Variants in ZNF445 observed in about 807,000 individuals in gnomAD.
The protein encoded by ZNF445 is zinc finger protein 168.
ZNF445 carries 19 observed loss-of-function variants against 93.9 expected under a neutral mutation model. The observed-to-expected ratio is 0.20, with a 90% CI of 0.14 to 0.30. ZNF445 has a LOEUF of 0.30. Among genes scored for constraint, ZNF445 ranks in the 10% least tolerant of loss-of-function variants. The pLI, the probability that ZNF445 is intolerant of heterozygous loss-of-function variation, is 1.00. For synonymous variants in ZNF445, 449 were observed against 446.3 expected (o/e 1.01, Z -0.08); for missense variants, 1,058 against 1,259.4 (o/e 0.84, Z 2.42).
chr3:44,461,773 C>T (rs1408433416), intron 1 of ZNF445, among the ~76,000 whole-genome samples: 1 of 152,172 alleles, frequency 6.6e-6, no homozygotes, highest in African/African-American at 2.4e-5. Flanking sequence ...AATGTTAATT[C>T]GGTTCCCCAT....
intron 1 of ZNF445, among the ~76,000 whole-genome samples, chr3:44,473,215 T>C (rs1698295583): frequency 6.6e-6 from 1 of 152,132 alleles, no homozygotes; most frequent in Non-Finnish European, 1.5e-5. Context: ...CCCAGCACTT[T>C]GGGAGGCTGA....
intron 3 of ZNF445, among the ~76,000 whole-genome samples, chr3:44,454,232 T>C (rs1697994437): frequency 6.6e-6 from 1 of 150,476 alleles, no homozygotes. Flanking sequence ...AAAAGCTTAC[T>C]GAGAAGGAAG....
intron 1 of ZNF445, among the ~76,000 whole-genome samples, chr3:44,463,627 A>C (rs914992197): frequency 1.3e-5 from 2 of 152,268 alleles, no homozygotes; most frequent in African/African-American, 4.8e-5. Context: ...CTAAGTAGGA[A>C]ATATACTTTA....
Position 44,448,646 on chromosome 3 carries a change from G to T in ZNF445, c.1025C>A (p.Ala342Glu), listed in dbSNP as rs770857071. ...ETLAVSSGCP[A>E]TSVSEGIGLR... ...CCCAATTCCCTCAGAAACACTTGTC[G>T]CAGGACATCCTGATGACACAGCTAA... Residue 342 changes from alanine to glutamate, a missense_variant, in exon 8 of 8, where the codon GCG (alanine) becomes GAG (glutamate). Transcript: ENST00000396077. 6.2e-7 allele frequency: 1 copy of T among 1,614,138 alleles called. No homozygotes were observed. The highest frequency in any genetic ancestry group is 1.3e-5 in the African/African-American group (1 of 75,024).
chr3:44,466,938 C>A (rs1218164378), intron 1 of ZNF445, among the ~76,000 whole-genome samples: 2 of 152,138 alleles, frequency 1.3e-5, no homozygotes, highest in Non-Finnish European at 2.9e-5. Context: ...AATTCCTAGT[C>A]AATTGTAGCT....
intron 1 of ZNF445, among the ~76,000 whole-genome samples, chr3:44,460,082 G>A (rs1266693189): frequency 6.6e-6 from 1 of 152,142 alleles, no homozygotes; most frequent in Non-Finnish European, 1.5e-5. Flanking sequence ...AAAAATAGAT[G>A]CACGGTATAT....
In ZNF445 at chr3:44,451,209, G is replaced by C. The variant is rs1027358053; in HGVS notation, c.598+105C>G. 10 of 1,409,606 alleles carry C rather than the reference G, an allele frequency of 7.1e-6. No homozygotes were observed. In the African/African-American group the frequency reaches 1.1e-4, roughly 16 times the overall value. The allele number at this position is 1,409,606 out of a possible 1,614,324, so 87.3% of individuals were successfully genotyped here. On this transcript the variant is annotated intron_variant, in intron 4 of 7. Transcript: ENST00000396077. The stretch of plus-strand genomic sequence containing the variant: ...GAGAGGACAGAGAGCTAAGGGCCAG[G>C]ACAGAAGGAGATTCTCATGAGAGGA...
At position 44,444,162 on chromosome 3, in the gene ZNF445, C is replaced by T. The variant is rs1697849652; in HGVS notation, c.*2413G>A. 1 of 152,088 alleles carries T rather than the reference C, an allele frequency of 6.6e-6. No homozygotes were observed. 9.4% of individuals were successfully genotyped at this position (152,088 alleles called of 1,614,324 possible). On this transcript the variant is annotated 3_prime_UTR_variant, in exon 8 of 8. Transcript: ENST00000396077. Reference sequence around the variant, plus strand: ...AAAATAAAAAAGACAGTAAAAATATCCCTATACTGGGGCAGGAACTTTACA... The same window carrying T: ...AAAATAAAAAAGACAGTAAAAATATTCCTATACTGGGGCAGGAACTTTACA...
intron 1 of ZNF445, among the ~76,000 whole-genome samples, chr3:44,472,560 C>T (rs2125686269): frequency 6.6e-6 from 1 of 152,256 alleles, no homozygotes; most frequent in East Asian, 1.9e-4. Context: ...AAATTCAGGG[C>T]GAATGCCTGT....
At chr3:44,465,862 C>T (rs1448239690) in intron 1 of ZNF445, among the ~76,000 whole-genome samples, 1 of 152,022 alleles carries the variant, frequency 6.6e-6, no homozygotes. Context: ...TGCAGTGAGT[C>T]GAGATCATGC....
intron 1 of ZNF445, among the ~76,000 whole-genome samples, chr3:44,460,221 A>T (rs971910189): frequency 2.0e-5 from 3 of 152,190 alleles, no homozygotes; most frequent in African/African-American, 7.2e-5. Context: ...AGCGAAAGAG[A>T]TCTAACTTAA....
chr3:44,460,394 A>C (rs555642966), intron 1 of ZNF445, among the ~76,000 whole-genome samples: 2 of 152,314 alleles, frequency 1.3e-5, no homozygotes, highest in Non-Finnish European at 2.9e-5. Context: ...TTGTAGGACT[A>C]ACATTAGCCA....
intron 7 of ZNF445, among the ~76,000 whole-genome samples, 190 bp downstream of exon 7, chr3:44,449,323 C>T (rs980014104): frequency 2.0e-5 from 3 of 151,838 alleles, no homozygotes; most frequent in South Asian, 2.1e-4. Flanking sequence ...TAGACATGGC[C>T]GGAAATGAAT....
rs755874727 is a variant in ZNF445, at chr3:44,449,642, T to C, written c.821-19A>G. ...GGTCCCACTGCAGAAGAGAAGAGAA[T>C]GGCATGAGAAGGGAGATGGATGACA... is the stretch of plus-strand genomic sequence containing the variant. On this transcript the variant is annotated intron_variant, in intron 6 of 7. Transcript: ENST00000396077. 5.1e-6 allele frequency: 8 copies of C among 1,577,414 alleles called. No individual in the cohort carries two copies. Among genetic ancestry groups the C allele is most frequent in the South Asian group, 1.1e-5 (1 of 90,304 alleles).
At chr3:44,475,030 C>A (rs188683848) in intron 1 of ZNF445, among the ~76,000 whole-genome samples, 2 of 151,786 alleles carry the variant, frequency 1.3e-5, no homozygotes, top group South Asian at 4.2e-4. Context: ...GGGGATGGGG[C>A]GGGGCAGAGG....
chr3:44,455,218 A>G lies in ZNF445; in HGVS notation c.332T>C (p.Leu111Pro). The change falls in exon 3 of 8, where the codon CTC becomes CCC. Residue 111 changes from leucine to proline, a missense_variant. Coordinates refer to ENST00000396077, the MANE Select transcript of ZNF445 (RefSeq NM_181489.6). ...EQFLSILPGE[L>P]RVWVQLHNPE... ...GTTATGAAGCTGCACCCAAACCCGGAGCTCCCCAGGCAGGATGCTCAGGAA... is the reference window on the plus strand; with the variant it reads ...GTTATGAAGCTGCACCCAAACCCGGGGCTCCCCAGGCAGGATGCTCAGGAA... The G allele has an allele frequency of 3.7e-6, 6 of 1,614,114 alleles. No homozygotes were observed. The highest frequency in any genetic ancestry group is 5.1e-6 in the Non-Finnish European group (6 of 1,180,016).
chr3:44,456,239 G>A (rs9828706), intron 2 of ZNF445, among the ~76,000 whole-genome samples: 1,838 of 152,060 alleles, frequency 0.012, 32 homozygotes, highest in African/African-American at 0.042. Flanking sequence ...AACATGGCAA[G>A]ACCCCGTCTC....
At position 44,453,299 on chromosome 3, in the gene ZNF445, T is replaced by A. The variant is rs572266523; in HGVS notation, c.430-1817A>T. Reference sequence around the variant, plus strand: ...TGTATGTCTATATATGTTTTTTTTTTTTAATTTTTTTTTTAGACAGCGTCT... The same window carrying A: ...TGTATGTCTATATATGTTTTTTTTTATTAATTTTTTTTTTAGACAGCGTCT... On this transcript the variant is annotated intron_variant, in intron 3 of 7. Transcript: ENST00000396077. Among the ~76,000 whole-genome samples the A allele has an allele frequency of 2.6e-3, 395 of 152,098 alleles. 1 individual carries two copies. The highest frequency in any genetic ancestry group is 4.0e-3 in the Non-Finnish European group (271 of 67,990).
chr3:44,449,522 C>T lies in ZNF445; in HGVS notation c.922G>A (p.Ala308Thr), dbSNP rs781125487. The T allele has an allele frequency of 1.2e-5, 19 of 1,613,916 alleles. No individual in the cohort carries two copies. The highest frequency in any genetic ancestry group is 4.4e-5 in the South Asian group (4 of 91,082). ...GTTCTCTGGAACTCACCTGTAGGAG[C>T]AGCAACTGGATTCCCCTTAGGCTGA... ...AAQPKGNPVA[A>T]PTGDDLQSKT... Residue 308 changes from alanine (A) to threonine (T), a missense_variant, in exon 7 of 8, where the codon GCT becomes ACT. Transcript: ENST00000396077.
Sources: gnomAD v4.1 joint callset for allele counts (sites outside exome capture counted in the v4.1 genomes callset) on GRCh38, gnomAD v4.1.1 for gene constraint, MANE v1.5 for transcripts, NCBI Gene and HGNC (gene_info 2026-07-23, HGNC 2026-07-21) for gene names.